GUCY1B1: variants seen among roughly 807,000 people sequenced by gnomAD.
GUCY1B1 encodes the protein guanylate cyclase soluble subunit beta-1.
GUCY1B1 carries 43 observed loss-of-function variants against 71.0 expected under a neutral mutation model. The ratio of observed to expected loss-of-function variants is 0.61; its 90% CI spans 0.47 to 0.78. The LOEUF (loss-of-function observed/expected upper bound fraction) is 0.78, where lower values mean the gene tolerates loss of function less well. Ranked by LOEUF, GUCY1B1 falls within the 30% of genes least tolerant of loss-of-function variation. The pLI, the probability that GUCY1B1 is intolerant of heterozygous loss-of-function variation, is 0.00. For missense variants in GUCY1B1, 535 were observed against 754.1 expected, an observed-to-expected ratio of 0.71 and a Z score of 3.40; for synonymous variants, 266 against 259.7, an observed-to-expected ratio of 1.02 and a Z score of -0.23.
Position 155,759,796 on chromosome 4 carries a change from G to C in GUCY1B1, c.13G>C (p.Val5Leu). Reference protein sequence around the residue: MYGFVNHALELLVIR... With the variant: MYGFLNHALELLVIR... ...CTCCCTGTCCCCGCAGTACGGATTT[G>C]TGAATCACGCCCTGGAGTTGCTGGT... The change falls in exon 2 of 14, where the codon GTG (valine) becomes CTG (leucine). Residue 5 changes from valine (V) to leucine (L), a missense_variant. Val to Leu is a conservative substitution (Grantham distance 32). Transcript: ENST00000264424. The C allele has an allele frequency of 6.2e-7, 1 of 1,612,658 alleles. No homozygotes were observed. Among genetic ancestry groups the C allele is most frequent in the Non-Finnish European group, 8.5e-7 (1 of 1,178,968 alleles).
chr4:155,774,851 A>T lies in GUCY1B1; in HGVS notation c.78-117A>T, dbSNP rs1579205708. ...GATGATGTTTAAACAAATTTGCCCA[A>T]AAAAACCAAATTCTATTTCAGAGAT... is the stretch of plus-strand genomic sequence containing the variant. On this transcript the variant is annotated intron_variant, in intron 2 of 13. Coordinates refer to ENST00000264424, the MANE Select transcript of GUCY1B1 (RefSeq NM_000857.5). The T allele has an allele frequency of 2.3e-5, 16 of 694,174 alleles. No individual in the cohort carries two copies. In the East Asian group the frequency reaches 4.3e-4, roughly 19 times the overall value. The allele number at this position is 694,174 out of a possible 1,614,324, so 43.0% of individuals were successfully genotyped here.
intron 2 of GUCY1B1, among the ~76,000 whole-genome samples, chr4:155,768,461 T>G (rs866105541): frequency 0.041 from 6,141 of 149,606 alleles, 262 homozygotes; most frequent in African/African-American, 0.12. Flanking sequence ...TGTTTGTTTT[T>G]TTTTTTTTTT....
At chr4:155,759,266 GGAGCAGCCTCACTCCTTGCC>G in intron 1 of GUCY1B1, 123 bp downstream of exon 1, 1 of 971,090 alleles carries the variant, frequency 1.0e-6, no homozygotes, top group Admixed American at 2.2e-5. Context: ...GCCGGCCACG[GGAGCAGCCTCACTCCTTGCC>G]CGCGCCCAGT....
chr4:155,776,906 C>T (rs4399937), intron 3 of GUCY1B1, among the ~76,000 whole-genome samples: 85,069 of 151,884 alleles, frequency 0.56, 24,505 homozygotes, highest in Middle Eastern at 0.76. Flanking sequence ...TTTAAAATGG[C>T]CAAAATTAAG....
intron 4 of GUCY1B1, among the ~76,000 whole-genome samples, chr4:155,786,509 G>A (rs1286806756): frequency 5.2e-5 from 6 of 114,560 alleles, no homozygotes; most frequent in East Asian, 2.7e-4. Flanking sequence ...TCACTCTGTC[G>A]CCCAGGCTGG....
At chr4:155,778,970 CTT>C (rs75584237) in intron 4 of GUCY1B1, among the ~76,000 whole-genome samples, 92 of 144,098 alleles carry the variant, frequency 6.4e-4, no homozygotes, top group Non-Finnish European at 6.1e-4. Context: ...TTATTAATTC[CTT>C]TTTTTTTTTT....
At chr4:155,800,423 T>A (rs1739864039) in intron 9 of GUCY1B1, among the ~76,000 whole-genome samples, 1 of 152,212 alleles carries the variant, frequency 6.6e-6, no homozygotes. Context: ...ATATTGACCA[T>A]CTTCAGTATG....
At position 155,802,624 on chromosome 4, in the gene GUCY1B1, C is replaced by A. The variant is rs182191288; in HGVS notation, c.1413+45C>A. On this transcript the variant is annotated intron_variant, in intron 10 of 13. Coordinates refer to ENST00000264424, the MANE Select transcript of GUCY1B1 (RefSeq NM_000857.5). This position sits in a 1 kb window ranked among gnomAD's most constrained non-coding sequence, Gnocchi z 4.3. ...GACTGCAGAGCTATCCAGAGGCTGGCGTTCTGAGACTCCCCTCCAGAGGCC... is the reference window on the plus strand; with the variant it reads ...GACTGCAGAGCTATCCAGAGGCTGGAGTTCTGAGACTCCCCTCCAGAGGCC... The A allele has an allele frequency of 6.7e-7, 1 of 1,484,736 alleles. No individual in the cohort carries two copies. Among genetic ancestry groups the A allele is most frequent in the Non-Finnish European group, 9.0e-7 (1 of 1,110,894 alleles). 92.0% of individuals were successfully genotyped at this position (1,484,736 alleles called of 1,614,324 possible). A position where few individuals can be genotyped will look rare whatever the true frequency, so the allele number is the denominator to read the frequency against.
intron 4 of GUCY1B1, among the ~76,000 whole-genome samples, chr4:155,787,613 C>T (rs1738885791): frequency 1.3e-5 from 2 of 152,288 alleles, no homozygotes; most frequent in Non-Finnish European, 2.9e-5. Context: ...CTGCTTAATC[C>T]TCATCATGCA....
intron 4 of GUCY1B1, among the ~76,000 whole-genome samples, chr4:155,788,835 T>C (rs917492352): frequency 6.6e-6 from 1 of 152,176 alleles, no homozygotes; most frequent in Non-Finnish European, 1.5e-5. Context: ...GTGCTGTGTG[T>C]ATATCCTACT....
At chr4:155,788,732 G>A (rs1000842573) in intron 4 of GUCY1B1, among the ~76,000 whole-genome samples, 2 of 152,152 alleles carry the variant, frequency 1.3e-5, no homozygotes, top group African/African-American at 2.4e-5. Context: ...AAAATTGGGC[G>A]AATTGGCTAC....
At chr4:155,785,073 A>G (rs1034363096) in intron 4 of GUCY1B1, among the ~76,000 whole-genome samples, 3 of 152,184 alleles carry the variant, frequency 2.0e-5, no homozygotes, top group African/African-American at 7.2e-5. Flanking sequence ...AAAATAAACT[A>G]GACTGACAGG....
At chr4:155,805,045 C>G (rs1255146283) in intron 12 of GUCY1B1, 58 bp from the exon 13 acceptor site, 2 of 1,455,920 alleles carry the variant, frequency 1.4e-6, no homozygotes, top group Non-Finnish European at 1.9e-6. Context: ...ATACATGTCA[C>G]CTTCTCTATA....
intron 1 of GUCY1B1, chr4:155,759,376 C>A (rs1264661695): frequency 1.8e-6 from 1 of 552,158 alleles, no homozygotes; most frequent in East Asian, 3.3e-5. Context: ...CGCTCCACAC[C>A]GCAGCTTCCT....
intron 5 of GUCY1B1, among the ~76,000 whole-genome samples, chr4:155,793,136 C>T (rs1739295256): frequency 6.6e-6 from 1 of 152,132 alleles, no homozygotes; most frequent in African/African-American, 2.4e-5. Flanking sequence ...AATGCAATGG[C>T]ATGATCTCGT....
In GUCY1B1 at chr4:155,806,808, T is replaced by C. The variant is rs565506163; in HGVS notation, c.*399T>C. ...CATGTTTACCAAATCTGTTTAGTGT[T>C]CCACATATATGTATATGTATATTTT... On this transcript the variant is annotated 3_prime_UTR_variant, in exon 14 of 14. Coordinates refer to ENST00000264424, the MANE Select transcript of GUCY1B1 (RefSeq NM_000857.5). The C allele has an allele frequency of 5.8e-6, 1 of 173,646 alleles. No individual in the cohort carries two copies. The highest frequency in any genetic ancestry group is 1.8e-4 in the South Asian group (1 of 5,652). 10.8% of individuals were successfully genotyped at this position (173,646 alleles called of 1,614,324 possible). A position where few individuals can be genotyped will look rare whatever the true frequency, so the allele number is the denominator to read the frequency against.
At chr4:155,791,875 G>T (rs1445440722) in intron 5 of GUCY1B1, among the ~76,000 whole-genome samples, 1 of 151,820 alleles carries the variant, frequency 6.6e-6, no homozygotes, top group Non-Finnish European at 1.5e-5. Flanking sequence ...AAAGAGGTAG[G>T]TTCGTAGAAA....
intron 9 of GUCY1B1, among the ~76,000 whole-genome samples, 184 bp downstream of exon 9, chr4:155,800,258 G>A (rs3796574): frequency 0.48 from 72,842 of 152,026 alleles, 18,428 homozygotes; most frequent in African/African-American, 0.63. Context: ...TCTTAATGGT[G>A]GTGGAAATAT....
At chr4:155,803,032 C>G (rs184581812) in intron 10 of GUCY1B1, among the ~76,000 whole-genome samples, 4 of 152,200 alleles carry the variant, frequency 2.6e-5, no homozygotes, top group African/African-American at 7.2e-5. Context: ...ATTTATAAGG[C>G]GTTTTTGCCC....
Sources: allele counts gnomAD v4.1 joint callset (sites outside exome capture counted in the v4.1 genomes callset), GRCh38; gene constraint gnomAD v4.1.1; non-coding constraint Gnocchi (gnomAD v3.1); transcripts MANE v1.5; gene names NCBI Gene and HGNC (gene_info 2026-07-23, HGNC 2026-07-21).